ADCY2: variants seen among roughly 807,000 people sequenced by gnomAD.
The protein encoded by ADCY2 is adenylate cyclase type 2.
A neutral mutation model predicts 125.2 loss-of-function variants in ADCY2; 31 were observed. The observed-to-expected ratio is 0.25, with a 90% CI of 0.19 to 0.33. The LOEUF is 0.33. Ranked by LOEUF, ADCY2 falls within the 10% of genes least tolerant of loss-of-function variation. The probability of loss-of-function intolerance (pLI) is 1.00; values close to 1 mark genes in which losing one functional copy is unlikely to be tolerated. For synonymous variants in ADCY2, 512 were observed against 548.4 expected (o/e 0.93, Z 0.93); for missense variants, 904 against 1,418.2 (o/e 0.64, Z 5.82).
intron 20 of ADCY2, chr5:7,801,035 G>A (rs1490385795): frequency 6.6e-6 from 1 of 152,090 alleles, no homozygotes; most frequent in Non-Finnish European, 1.5e-5. Context: ...CAGAGTGGCT[G>A]GTCCTGAGAA....
chr5:7,397,715 T>A (rs954588849), intron 1 of ADCY2, among the ~76,000 whole-genome samples: 12 of 152,182 alleles, frequency 7.9e-5, no homozygotes, highest in Admixed American at 5.9e-4. Context: ...AATAAAAAAA[T>A]TCCCCCACAC....
chr5:7,802,058 G>A lies in ADCY2; in HGVS notation c.2629-160G>A, dbSNP rs921077489. 2.0e-5 allele frequency: 14 copies of A among 689,376 alleles called. No homozygotes were observed. The highest frequency in any genetic ancestry group is 2.8e-5 in the Non-Finnish European group (12 of 421,596). 42.7% of individuals were successfully genotyped at this position (689,376 alleles called of 1,614,324 possible). On this transcript the variant is annotated intron_variant, in intron 20 of 24. Coordinates refer to ENST00000338316, the MANE Select transcript of ADCY2 (RefSeq NM_020546.3). The surrounding 1 kb of genome is among the most constrained non-coding windows in gnomAD (Gnocchi z 4.6). The stretch of plus-strand genomic sequence containing the variant: ...TTAGAAGCTTTCCCCTGAGAGCAGC[G>A]GCAGCATCTGGATTGGGCCGCGGCT...
intron 12 of ADCY2, among the ~76,000 whole-genome samples, chr5:7,718,444 G>T (rs933846806): frequency 1.3e-5 from 2 of 152,068 alleles, no homozygotes; most frequent in Non-Finnish European, 2.9e-5. Context: ...CACCACGCCC[G>T]GCCTTAGATT....
intron 2 of ADCY2, among the ~76,000 whole-genome samples, chr5:7,424,110 T>G (rs546048351): frequency 1.3e-5 from 2 of 152,372 alleles, no homozygotes; most frequent in South Asian, 4.1e-4. Flanking sequence ...CATTTTTGCT[T>G]GCTGCTCTGT....
chr5:7,757,956 C>G (rs1385432475), intron 16 of ADCY2, among the ~76,000 whole-genome samples: 1 of 152,070 alleles, frequency 6.6e-6, no homozygotes, highest in Non-Finnish European at 1.5e-5. Context: ...TCATGGTGGC[C>G]CCTCAACAGG....
At chr5:7,523,912 C>T (rs762981132) in intron 3 of ADCY2, among the ~76,000 whole-genome samples, 14 of 152,258 alleles carry the variant, frequency 9.2e-5, no homozygotes, top group East Asian at 1.9e-4. Flanking sequence ...CATTTTGTTT[C>T]GCACAGATCC....
intron 3 of ADCY2, among the ~76,000 whole-genome samples, chr5:7,585,494 C>T (rs1227067598): frequency 6.6e-6 from 1 of 152,176 alleles, no homozygotes; most frequent in African/African-American, 2.4e-5. Flanking sequence ...ATTAAATGCT[C>T]CTGGAATATC....
chr5:7,598,525 G>C (rs934775326), intron 3 of ADCY2, among the ~76,000 whole-genome samples: 3 of 152,148 alleles, frequency 2.0e-5, no homozygotes, highest in Non-Finnish European at 2.9e-5. Context: ...TCTGTGGGGG[G>C]TTCTGGAATT....
intron 7 of ADCY2, among the ~76,000 whole-genome samples, chr5:7,704,293 C>T (rs959910125): frequency 2.0e-5 from 3 of 152,196 alleles, no homozygotes; most frequent in African/African-American, 4.8e-5. Context: ...CTGCTCTTCT[C>T]TCTGTGTTCA....
intron 3 of ADCY2, among the ~76,000 whole-genome samples, chr5:7,557,959 T>C (rs1314214601): frequency 6.6e-6 from 1 of 152,232 alleles, no homozygotes; most frequent in African/African-American, 2.4e-5. Flanking sequence ...TTGTCTTGGT[T>C]GAACTCATTT....
intron 2 of ADCY2, among the ~76,000 whole-genome samples, chr5:7,482,949 G>A (rs1033848661): frequency 3.9e-4 from 59 of 151,994 alleles, no homozygotes; most frequent in South Asian, 2.1e-4. Flanking sequence ...TCACTCTTAT[G>A]TGGGAGCTAA....
chr5:7,678,770 G>A (rs889388136), intron 4 of ADCY2, among the ~76,000 whole-genome samples: 1 of 152,166 alleles, frequency 6.6e-6, no homozygotes, highest in Non-Finnish European at 1.5e-5. Flanking sequence ...CAGGCGAAAG[G>A]TCAAGAGGTT....
At position 7,829,712 on chromosome 5, in the gene ADCY2, T is replaced by C. The variant is rs1249530480; in HGVS notation, c.*2841T>C. The stretch of plus-strand genomic sequence containing the variant: ...TGTCATCAATCCAGGATGTTATTCT[T>C]CCTTCCCAACTCACTGTGCTCCTAA... On this transcript the variant is annotated 3_prime_UTR_variant, in exon 25 of 25. Transcript: ENST00000338316. The C allele has an allele frequency of 6.6e-6, 1 of 152,412 alleles. No homozygotes were observed. Among genetic ancestry groups the C allele is most frequent in the African/African-American group, 2.4e-5 (1 of 41,450 alleles). 9.4% of individuals were successfully genotyped at this position (152,412 alleles called of 1,614,324 possible).
chr5:7,396,859 C>T lies in ADCY2; in HGVS notation c.210+353C>T, dbSNP rs943056910. On this transcript the variant is annotated intron_variant, in intron 1 of 24. Transcript: ENST00000338316. The surrounding 1 kb of genome is among the most constrained non-coding windows in gnomAD (Gnocchi z 5.7). Reference sequence around the variant, plus strand: ...CGCTGCCCGCAGCGCTGGAATAGGTCTTCCCCGACTCAGCCCTGGGCTTCC... The same window carrying T: ...CGCTGCCCGCAGCGCTGGAATAGGTTTTCCCCGACTCAGCCCTGGGCTTCC... 2.0e-5 allele frequency among the ~76,000 whole-genome samples: 3 copies of T among 152,200 alleles called. No homozygotes were observed. The highest frequency in any genetic ancestry group is 7.2e-5 in the African/African-American group (3 of 41,464).
intron 2 of ADCY2, among the ~76,000 whole-genome samples, chr5:7,514,134 A>G (rs1334183350): frequency 6.6e-6 from 1 of 152,178 alleles, no homozygotes; most frequent in Non-Finnish European, 1.5e-5. Flanking sequence ...CTTTTAATCT[A>G]TGATTGGCAT....
intron 4 of ADCY2, among the ~76,000 whole-genome samples, chr5:7,681,707 G>A (rs1230153877): frequency 1.3e-5 from 2 of 152,070 alleles, no homozygotes; most frequent in African/African-American, 2.4e-5. Context: ...GGAGTTTGCC[G>A]ACAGTGTGGG....
At chr5:7,468,199 A>C (rs1333887985) in intron 2 of ADCY2, among the ~76,000 whole-genome samples, 1 of 152,180 alleles carries the variant, frequency 6.6e-6, no homozygotes, top group East Asian at 1.9e-4. Context: ...TAGCCTTTTG[A>C]AGAACATACT....
chr5:7,723,770 A>G (rs907802931), intron 12 of ADCY2, among the ~76,000 whole-genome samples: 1 of 151,874 alleles, frequency 6.6e-6, no homozygotes, highest in African/African-American at 2.4e-5. Flanking sequence ...AAAATACAAA[A>G]ATTAGCCAGA....
chr5:7,439,443 C>A (rs780307608), intron 2 of ADCY2, among the ~76,000 whole-genome samples: 1 of 151,924 alleles, frequency 6.6e-6, no homozygotes, highest in Admixed American at 6.6e-5. Flanking sequence ...ATTAAATTAT[C>A]TCTACCTGGC....
Sources: gnomAD v4.1 joint callset for allele counts (sites outside exome capture counted in the v4.1 genomes callset) on GRCh38, gnomAD v4.1.1 for gene constraint, Gnocchi (gnomAD v3.1) non-coding constraint, MANE v1.5 for transcripts, NCBI Gene and HGNC (gene_info 2026-07-23, HGNC 2026-07-21) for gene names.